Variants in ENOX1 observed in about 807,000 individuals in gnomAD.
The protein encoded by ENOX1 is candidate growth-related and time keeping constitutive hydroquinone (NADH) oxidase.
Under a neutral mutation model 82.5 loss-of-function variants are expected in ENOX1, and 42 were observed. That is an observed-to-expected ratio of 0.51 (90% CI 0.40 to 0.66). The LOEUF (loss-of-function observed/expected upper bound fraction) is 0.66. Among genes scored for constraint, ENOX1 ranks in the 30% least tolerant of loss-of-function variants. The probability of loss-of-function intolerance (pLI) is 0.00; values close to 1 mark genes in which losing one functional copy is unlikely to be tolerated. For missense variants in ENOX1, 608 were observed against 811.6 expected (o/e 0.75, Z 3.05); for synonymous variants, 271 against 282.2 (o/e 0.96, Z 0.40).
intron 2 of ENOX1, among the ~76,000 whole-genome samples, chr13:43,486,728 G>A (rs2076434965): frequency 6.6e-6 from 1 of 152,212 alleles, no homozygotes; most frequent in Admixed American, 6.5e-5. Flanking sequence ...CTTCCTGGCT[G>A]TATGACCTTG....
chr13:43,551,865 A>G (rs1423729573), intron 2 of ENOX1, among the ~76,000 whole-genome samples: 1 of 152,208 alleles, frequency 6.6e-6, no homozygotes, highest in Non-Finnish European at 1.5e-5. Context: ...GGTAAGCTTA[A>G]TGAAATGATT....
intron 1 of ENOX1, among the ~76,000 whole-genome samples, chr13:43,716,022 A>T (rs1013365310): frequency 1.3e-5 from 2 of 152,194 alleles, no homozygotes; most frequent in Non-Finnish European, 2.9e-5. Flanking sequence ...GTAGCTCGGA[A>T]TAGTTTGATC....
intron 5 of ENOX1, among the ~76,000 whole-genome samples, chr13:43,403,187 C>A (rs2053594467): frequency 6.6e-6 from 1 of 151,968 alleles, no homozygotes; most frequent in Non-Finnish European, 1.5e-5. Context: ...TACAACAGAG[C>A]AAATAAAGAT....
chr13:43,732,064 A>G (rs2089377374), intron 1 of ENOX1, among the ~76,000 whole-genome samples: 1 of 152,258 alleles, frequency 6.6e-6, no homozygotes, highest in African/African-American at 2.4e-5. Context: ...TATAGGAGTC[A>G]TCTGAAACGT....
intron 2 of ENOX1, among the ~76,000 whole-genome samples, chr13:43,586,697 A>C (rs151005159): frequency 6.6e-6 from 1 of 152,156 alleles, no homozygotes; most frequent in African/African-American, 2.4e-5. Flanking sequence ...TTACTTTCAG[A>C]ATTAGCAGTT....
At chr13:43,663,237 T>A (rs2084818255) in intron 2 of ENOX1, among the ~76,000 whole-genome samples, 1 of 152,196 alleles carries the variant, frequency 6.6e-6, no homozygotes, top group South Asian at 2.1e-4. Flanking sequence ...CAGGATGAAC[T>A]GAAGACATAC....
chr13:43,346,750 C>T (rs570759547), intron 8 of ENOX1, among the ~76,000 whole-genome samples: 4 of 152,192 alleles, frequency 2.6e-5, no homozygotes, highest in African/African-American at 7.2e-5. Flanking sequence ...CCACTGCAAC[C>T]GTTACTGGCA....
intron 2 of ENOX1, among the ~76,000 whole-genome samples, chr13:43,551,284 TG>T (rs2079185332): frequency 6.6e-6 from 1 of 152,206 alleles, no homozygotes; most frequent in South Asian, 2.1e-4. Flanking sequence ...AAAAATTATG[TG>T]GCCTTTCTTT....
At chr13:43,785,978 C>A (rs1594792358) in intron 1 of ENOX1, among the ~76,000 whole-genome samples, 1 of 152,004 alleles carries the variant, frequency 6.6e-6, no homozygotes. Context: ...CTGGCAGCGG[C>A]CGAGTCCGGC....
intron 16 of ENOX1, among the ~76,000 whole-genome samples, chr13:43,222,554 C>G (rs1369036081): frequency 1.3e-5 from 2 of 152,192 alleles, no homozygotes; most frequent in Non-Finnish European, 2.9e-5. Flanking sequence ...TGCTTCTCAA[C>G]AAAGGCTTCT....
chr13:43,312,822 T>C (rs980049728), intron 11 of ENOX1, among the ~76,000 whole-genome samples: 10 of 152,092 alleles, frequency 6.6e-5, no homozygotes, highest in African/African-American at 2.2e-4. Flanking sequence ...GCGTTGCCTA[T>C]ATTGAAGCAA....
chr13:43,267,428 G>A (rs1461441692), intron 13 of ENOX1, among the ~76,000 whole-genome samples: 1 of 152,230 alleles, frequency 6.6e-6, no homozygotes, highest in Non-Finnish European at 1.5e-5. Context: ...GCCTGAGGGT[G>A]GGAAAGGTCT....
intron 5 of ENOX1, among the ~76,000 whole-genome samples, chr13:43,386,306 G>A (rs193155023): frequency 4.7e-4 from 71 of 152,274 alleles, no homozygotes; most frequent in African/African-American, 1.6e-3. Context: ...GATGTGCTGA[G>A]GATGTATGAA....
chr13:43,651,232 GGAGGAAGAA>G (rs1300209321), intron 2 of ENOX1, among the ~76,000 whole-genome samples: 1 of 151,984 alleles, frequency 6.6e-6, no homozygotes, highest in Admixed American at 6.6e-5. Flanking sequence ...AGGAAGAAGA[GGAGGAAGAA>G]GAGGAAGAAA....
At chr13:43,761,284 G>A (rs1447152782) in intron 1 of ENOX1, among the ~76,000 whole-genome samples, 1 of 152,192 alleles carries the variant, frequency 6.6e-6, no homozygotes, top group African/African-American at 2.4e-5. Context: ...TTTTCAATCT[G>A]AAGGAAACCA....
intron 15 of ENOX1, among the ~76,000 whole-genome samples, chr13:43,224,524 A>C (rs147675042): frequency 6.4e-4 from 98 of 152,360 alleles, no homozygotes; most frequent in African/African-American, 2.2e-3. Context: ...GCAGTATGAA[A>C]ATGGCTCATA....
At chr13:43,730,739 G>A (rs2089291352) in intron 1 of ENOX1, among the ~76,000 whole-genome samples, 2 of 152,194 alleles carry the variant, frequency 1.3e-5, no homozygotes, top group Middle Eastern at 6.8e-3. Flanking sequence ...CTGTCATGAC[G>A]CACACTCTGT....
intron 1 of ENOX1, among the ~76,000 whole-genome samples, chr13:43,762,895 TC>T (rs1288207065): frequency 2.0e-5 from 3 of 152,192 alleles, no homozygotes; most frequent in African/African-American, 7.2e-5. Flanking sequence ...TTCAATCCGT[TC>T]TCAATTAGCC....
chr13:43,548,292 C>A (rs911708436), intron 2 of ENOX1, among the ~76,000 whole-genome samples: 1 of 152,090 alleles, frequency 6.6e-6, no homozygotes, highest in Non-Finnish European at 1.5e-5. Context: ...TCCAAAGAAA[C>A]CTTTCTTAGA....
Sources: gnomAD v4.1 joint callset for allele counts (sites outside exome capture counted in the v4.1 genomes callset) on GRCh38, gnomAD v4.1.1 for gene constraint, MANE v1.5 for transcripts, NCBI Gene and HGNC (gene_info 2026-07-23, HGNC 2026-07-21) for gene names.